Variants in PCDHGA2 observed in about 807,000 individuals in gnomAD.
The protein encoded by PCDHGA2 is protocadherin gamma subfamily A, 2, also known as protocadherin gamma-A2.
In PCDHGA2, 40 loss-of-function variants were observed where a neutral mutation model predicts 59.2. The observed-to-expected ratio is 0.68, with a 90% confidence interval of 0.52 to 0.88. PCDHGA2 has a LOEUF of 0.88. Among genes scored for constraint, PCDHGA2 ranks in the 40% least tolerant of loss-of-function variants. The pLI, the probability that PCDHGA2 is intolerant of heterozygous loss-of-function variation, is 0.00. For missense variants in PCDHGA2, 1,226 were observed against 1,204.0 expected (o/e 1.02, Z -0.27); for synonymous variants, 560 against 526.0 (o/e 1.06, Z -0.89).
rs1235801833 is a variant in PCDHGA2, at chr5:141,346,253, T to A, written c.2424+4858T>A. Reference sequence around the variant, plus strand: ...TGGCGAGTACGCCCGGCTCGCACTTTGTGGGCGCGGACGGGGTTCGGGCTT... The same window carrying A: ...TGGCGAGTACGCCCGGCTCGCACTTAGTGGGCGCGGACGGGGTTCGGGCTT... On this transcript the variant is annotated intron_variant, in intron 1 of 3. Coordinates refer to ENST00000394576, the MANE Select transcript of PCDHGA2 (RefSeq NM_018915.4). 2 of 1,614,186 alleles carry A rather than the reference T, an allele frequency of 1.2e-6. No homozygotes were observed. The highest frequency in any genetic ancestry group is 4.5e-5 in the East Asian group (2 of 44,870).
At chr5:141,376,200 C>A (rs1220789915) in intron 1 of PCDHGA2, 2 of 1,614,086 alleles carry the variant, frequency 1.2e-6, no homozygotes, top group Non-Finnish European at 1.7e-6. Context: ...GTCTTCCTGG[C>A]CTTCGTCATC....
chr5:141,350,041 C>T (rs1046482793), intron 1 of PCDHGA2: 2 of 388,654 alleles, frequency 5.1e-6, no homozygotes, highest in Non-Finnish European at 9.1e-6. Context: ...CTCTGGGCGC[C>T]GCTGTCGACC....
intron 1 of PCDHGA2, chr5:141,372,300 GAGGCCGCCCGCC>G (rs769286346): frequency 1.2e-6 from 2 of 1,613,366 alleles, no homozygotes; most frequent in Non-Finnish European, 1.7e-6. Flanking sequence ...GGGCGACAGG[GAGGCCGCCCGCC>G]AGCGCCTGCT....
chr5:141,339,360 C>T lies in PCDHGA2; in HGVS notation c.389C>T (p.Ala130Val). ...GAAATAACAGATATTAACGATAATG[C>T]CCCTCGCTTTGGAGTAGAGGAACTG... Reference protein sequence around the residue: ...EVEITDINDNAPRFGVEELEL... With the variant: ...EVEITDINDNVPRFGVEELEL... The change falls in exon 1 of 4, where the codon GCC becomes GTC. Residue 130 changes from alanine to valine, a missense_variant. Transcript: ENST00000394576. 6.2e-7 allele frequency: 1 copy of T among 1,614,084 alleles called. No homozygotes were observed. The highest frequency in any genetic ancestry group is 1.1e-5 in the South Asian group (1 of 91,074).
chr5:141,404,551 G>C (rs764332245), intron 1 of PCDHGA2: 1 of 1,613,866 alleles, frequency 6.2e-7, no homozygotes, highest in Non-Finnish European at 8.5e-7. Flanking sequence ...TGCAGGTGAC[G>C]GCAAGTGACA....
At chr5:141,399,504 A>G (rs754910149) in intron 1 of PCDHGA2, 3 of 1,614,000 alleles carry the variant, frequency 1.9e-6, no homozygotes, top group Non-Finnish European at 2.5e-6. Context: ...GTGTACCCGA[A>G]AACAACCCTC....
chr5:141,385,200 C>T (rs776177043), intron 1 of PCDHGA2: 3 of 1,614,214 alleles, frequency 1.9e-6, no homozygotes, highest in Non-Finnish European at 1.7e-6. Context: ...GGAAGAGTCA[C>T]CTGATCTTCC....
intron 1 of PCDHGA2, chr5:141,428,734 A>G (rs922346225): frequency 1.9e-5 from 3 of 158,252 alleles, no homozygotes; most frequent in Non-Finnish European, 2.8e-5. Context: ...TAAACATATT[A>G]TATCTACTAT....
intron 1 of PCDHGA2, chr5:141,400,754 C>A (rs6880273): frequency 0.26 from 150,367 of 588,610 alleles, 21,664 homozygotes; most frequent in African/African-American, 0.5. Context: ...TTAGCTTCCT[C>A]TCTAGCAAAA....
intron 1 of PCDHGA2, chr5:141,352,760 C>A (rs1759103494): frequency 7.6e-7 from 1 of 1,314,650 alleles, no homozygotes; most frequent in South Asian, 1.4e-5. Context: ...CAGGCTGAGG[C>A]AGGTGGATCA....
intron 1 of PCDHGA2, chr5:141,418,463 C>A (rs1046926260): frequency 1.2e-6 from 2 of 1,613,826 alleles, no homozygotes; most frequent in Non-Finnish European, 1.7e-6. Context: ...GACTCTGGAC[C>A]GAGAAACGCA....
intron 1 of PCDHGA2, among the ~76,000 whole-genome samples, chr5:141,359,329 C>G (rs1425381791): frequency 6.6e-6 from 1 of 151,874 alleles, no homozygotes; most frequent in African/African-American, 2.4e-5. Flanking sequence ...GGAATATATT[C>G]CAGAATGAGA....
chr5:141,419,177 C>G (rs1223789288), intron 1 of PCDHGA2: 3 of 1,613,980 alleles, frequency 1.9e-6, no homozygotes, highest in Non-Finnish European at 2.5e-6. Flanking sequence ...AACCATAACC[C>G]TGCACATTAC....
intron 1 of PCDHGA2, chr5:141,388,479 C>T (rs1345463224): frequency 4.3e-6 from 7 of 1,613,652 alleles, no homozygotes; most frequent in Non-Finnish European, 1.7e-6. Flanking sequence ...ATTGAAGACA[C>T]CTTTGGACAG....
At chr5:141,399,380 T>A (rs1361218028) in intron 1 of PCDHGA2, 5 of 1,613,820 alleles carry the variant, frequency 3.1e-6, no homozygotes, top group Non-Finnish European at 4.2e-6. Context: ...AATGTCACCA[T>A]CACAGCCACA....
intron 1 of PCDHGA2, among the ~76,000 whole-genome samples, chr5:141,458,368 A>C (rs934670055): frequency 3.9e-5 from 6 of 152,112 alleles, no homozygotes; most frequent in Admixed American, 3.9e-4. Flanking sequence ...GAAGGAAGGG[A>C]GAAGAGAGAA....
chr5:141,364,488 G>A (rs144886424), intron 1 of PCDHGA2: 360 of 1,614,020 alleles, frequency 2.2e-4, no homozygotes, highest in Non-Finnish European at 2.9e-4. Context: ...AAGGACCTTG[G>A]GCTGGAGCCC....
intron 1 of PCDHGA2, chr5:141,428,184 C>G: frequency 6.8e-7 from 1 of 1,463,674 alleles, no homozygotes; most frequent in Middle Eastern, 1.7e-4. Flanking sequence ...GGAGGACAGC[C>G]GCCGCTCTCT....
intron 1 of PCDHGA2, chr5:141,385,433 G>A (rs2024141): frequency 0.085 from 123,181 of 1,452,862 alleles, 5,787 homozygotes; most frequent in East Asian, 0.14. Context: ...ACTTTATAGA[G>A]GTAAAAATGA....
Sources: allele counts gnomAD v4.1 joint callset (sites outside exome capture counted in the v4.1 genomes callset), GRCh38; gene constraint gnomAD v4.1.1; transcripts MANE v1.5; gene names NCBI Gene and HGNC (gene_info 2026-07-23, HGNC 2026-07-21).